Variants in HSD17B12 observed in about 807,000 individuals in gnomAD.
The protein encoded by HSD17B12 is hydroxysteroid 17-beta dehydrogenase 12, also known as very-long-chain 3-oxoacyl-CoA reductase.
In HSD17B12, 32 loss-of-function variants were observed where a neutral mutation model predicts 39.3. The observed-to-expected ratio is 0.81, with a 90% CI of 0.61 to 1.09. The LOEUF (loss-of-function observed/expected upper bound fraction) is 1.09. Among genes scored for constraint, HSD17B12 ranks in the 50% least tolerant of loss-of-function variants. The probability of loss-of-function intolerance (pLI) is 0.00; values close to 1 mark genes in which losing one functional copy is unlikely to be tolerated. For missense variants in HSD17B12, 342 were observed against 382.9 expected, an observed-to-expected ratio of 0.89 and a Z score of 0.89; for synonymous variants, 150 against 146.7, an observed-to-expected ratio of 1.02 and a Z score of -0.16.
intron 3 of HSD17B12, among the ~76,000 whole-genome samples, chr11:43,773,537 C>T (rs1762952566): frequency 6.6e-6 from 1 of 152,164 alleles, no homozygotes; most frequent in African/African-American, 2.4e-5. Flanking sequence ...CTGTACCTGG[C>T]CTAAAATCGA....
chr11:43,803,460 T>G (rs1432542491), intron 4 of HSD17B12, among the ~76,000 whole-genome samples: 2 of 152,210 alleles, frequency 1.3e-5, no homozygotes, highest in Non-Finnish European at 2.9e-5. Context: ...GAATCCATAT[T>G]AAGTCATAGG....
At chr11:43,722,038 A>T (rs1178986170) in intron 1 of HSD17B12, among the ~76,000 whole-genome samples, 1 of 152,128 alleles carries the variant, frequency 6.6e-6, no homozygotes, top group Non-Finnish European at 1.5e-5. Context: ...TATGTATTAG[A>T]CAGGTCTTAT....
chr11:43,730,061 A>C (rs1950254946), intron 1 of HSD17B12, among the ~76,000 whole-genome samples: 1 of 151,936 alleles, frequency 6.6e-6, no homozygotes, highest in Non-Finnish European at 1.5e-5. Context: ...TTTTTTAATA[A>C]AGATAAGAGA....
At chr11:43,769,877 C>G (rs1382246624) in intron 3 of HSD17B12, among the ~76,000 whole-genome samples, 1 of 152,164 alleles carries the variant, frequency 6.6e-6, no homozygotes, top group African/African-American at 2.4e-5. Context: ...TTTGTAAATT[C>G]CATTTTGTAT....
At chr11:43,827,886 T>C (rs1396453330) in intron 6 of HSD17B12, among the ~76,000 whole-genome samples, 1 of 152,194 alleles carries the variant, frequency 6.6e-6, no homozygotes, top group Non-Finnish European at 1.5e-5. Context: ...AAGACATTCA[T>C]TTTTCCTCAT....
chr11:43,727,358 G>A (rs1223742043), intron 1 of HSD17B12, among the ~76,000 whole-genome samples: 3 of 152,232 alleles, frequency 2.0e-5, no homozygotes, highest in Non-Finnish European at 4.4e-5. Context: ...ACCGAAGGTG[G>A]CTGTGTTCTA....
At chr11:43,733,968 C>T (rs886283950) in intron 1 of HSD17B12, 5 of 708,320 alleles carry the variant, frequency 7.1e-6, no homozygotes, top group East Asian at 5.3e-5. Context: ...TTGCTGTTCT[C>T]GACCACGTAA....
At chr11:43,814,251 T>G (rs1435937752) in intron 4 of HSD17B12, among the ~76,000 whole-genome samples, 1 of 152,166 alleles carries the variant, frequency 6.6e-6, no homozygotes, top group Non-Finnish European at 1.5e-5. Context: ...AAGTCAAATT[T>G]CACGAGTTTG....
At chr11:43,717,914 C>T (rs945800613) in intron 1 of HSD17B12, among the ~76,000 whole-genome samples, 4 of 151,304 alleles carry the variant, frequency 2.6e-5, no homozygotes, top group South Asian at 2.1e-4. Context: ...AAGCAATTCT[C>T]ATACCTCAGC....
At chr11:43,580,400 G>C in the HSD17B12 span, among the ~76,000 whole-genome samples, 2 of 151,682 alleles carry the variant, frequency 1.3e-5, no homozygotes, top group Non-Finnish European at 2.9e-5. Flanking sequence ...GGGCTGCAGA[G>C]TTGAAAGTGC....
chr11:43,651,958 A>G, the HSD17B12 span, among the ~76,000 whole-genome samples: 1 of 152,238 alleles, frequency 6.6e-6, no homozygotes, highest in African/African-American at 2.4e-5. Flanking sequence ...CTGTACACTG[A>G]AACTACAAAA....
chr11:43,734,076 AC>A, intron 1 of HSD17B12: 1 of 981,984 alleles, frequency 1.0e-6, no homozygotes. Context: ...TCATATCTTC[AC>A]CAGCATCGGA....
At chr11:43,668,969 C>T in the HSD17B12 span, among the ~76,000 whole-genome samples, 2 of 152,218 alleles carry the variant, frequency 1.3e-5, no homozygotes, top group East Asian at 3.9e-4. Flanking sequence ...GTTAGAATTA[C>T]AGGCATGAGC....
intron 1 of HSD17B12, chr11:43,734,613 CGAT>C: frequency 2.7e-6 from 1 of 377,268 alleles, no homozygotes; most frequent in Non-Finnish European, 5.1e-6. Flanking sequence ...GCCACAGCCC[CGAT>C]GATTCTTAAC....
At chr11:43,744,058 A>G (rs910242402) in intron 1 of HSD17B12, among the ~76,000 whole-genome samples, 2 of 152,190 alleles carry the variant, frequency 1.3e-5, no homozygotes, top group Admixed American at 1.3e-4. Flanking sequence ...TAAAAAGTAC[A>G]TAGATGGTTT....
At chr11:43,717,150 A>G (rs1950131339) in intron 1 of HSD17B12, among the ~76,000 whole-genome samples, 1 of 152,196 alleles carries the variant, frequency 6.6e-6, no homozygotes. Flanking sequence ...TTGATGTGCT[A>G]ATAAGAAATC....
At chr11:43,730,662 G>C (rs1004772863) in intron 1 of HSD17B12, among the ~76,000 whole-genome samples, 19 of 152,136 alleles carry the variant, frequency 1.2e-4, no homozygotes, top group Non-Finnish European at 1.9e-4. Flanking sequence ...TGAAGTTCTT[G>C]ACTAGGCCTG....
chr11:43,695,578 C>CA (rs1161420376), intron 1 of HSD17B12, among the ~76,000 whole-genome samples: 2 of 150,558 alleles, frequency 1.3e-5, no homozygotes, highest in South Asian at 2.1e-4. Flanking sequence ...AACTTCGTCT[C>CA]AAAAAAAAAT....
intron 1 of HSD17B12, among the ~76,000 whole-genome samples, chr11:43,683,516 C>T (rs1293899520): frequency 6.6e-6 from 1 of 152,058 alleles, no homozygotes; most frequent in Non-Finnish European, 1.5e-5. Flanking sequence ...AGGTTCTTCA[C>T]ATGAGTTGGA....
Sources: gnomAD v4.1 joint callset for allele counts (sites outside exome capture counted in the v4.1 genomes callset) on GRCh38, gnomAD v4.1.1 for gene constraint, MANE v1.5 for transcripts, NCBI Gene and HGNC (gene_info 2026-07-23, HGNC 2026-07-21) for gene names.